MYO1D: variants seen among roughly 807,000 people sequenced by gnomAD.
The protein encoded by MYO1D is unconventional myosin-Id.
A neutral mutation model predicts 122.0 loss-of-function variants in MYO1D; 83 were observed. The observed-to-expected ratio is 0.68, with a 90% CI of 0.57 to 0.82. The LOEUF (loss-of-function observed/expected upper bound fraction) is 0.82. Ranked by LOEUF, MYO1D falls within the 40% of genes least tolerant of loss-of-function variation. The probability of loss-of-function intolerance (pLI) is 0.00; values close to 1 mark genes in which losing one functional copy is unlikely to be tolerated. For missense variants in MYO1D, 1,157 were observed against 1,269.5 expected (o/e 0.91, Z 1.35); for synonymous variants, 464 against 446.9 (o/e 1.04, Z -0.48).
At chr17:32,678,859 C>T (rs1235998812) in intron 16 of MYO1D, among the ~76,000 whole-genome samples, 1 of 150,898 alleles carries the variant, frequency 6.6e-6, no homozygotes, top group Admixed American at 6.6e-5. Flanking sequence ...GGTTGAACTA[C>T]TTTACAGTCC....
intron 1 of MYO1D, among the ~76,000 whole-genome samples, chr17:32,865,196 T>A (rs901075517): frequency 2.6e-5 from 4 of 152,234 alleles, no homozygotes; most frequent in Non-Finnish European, 5.9e-5. Context: ...ATTTGACTTT[T>A]AATTGACTAT....
intron 1 of MYO1D, among the ~76,000 whole-genome samples, chr17:32,823,990 C>T (rs1006094080): frequency 2.0e-5 from 3 of 146,366 alleles, no homozygotes; most frequent in Middle Eastern, 3.7e-3. Context: ...TGGTGTGAAC[C>T]CGGGAGGTGG....
chr17:32,742,725 C>T (rs2151005272), intron 13 of MYO1D, among the ~76,000 whole-genome samples: 1 of 152,282 alleles, frequency 6.6e-6, no homozygotes, highest in Middle Eastern at 3.4e-3. Context: ...TCCAAGGATC[C>T]TCTCTCACAT....
intron 16 of MYO1D, among the ~76,000 whole-genome samples, chr17:32,708,544 A>G (rs1430626211): frequency 6.6e-6 from 1 of 152,228 alleles, no homozygotes; most frequent in Non-Finnish European, 1.5e-5. Context: ...AATTTCTATA[A>G]GGATACAGAA....
Position 32,876,792 on chromosome 17 carries a change from G to A in MYO1D, c.81C>T (p.Ala27=), listed in dbSNP as rs1434080518. Residue 27 remains alanine (A), a synonymous_variant, in exon 1 of 22, where the codon GCC becomes GCT. Coordinates refer to ENST00000318217, the MANE Select transcript of MYO1D (RefSeq NM_015194.3). ...TCCGCCCTCACCTGAGCCTGAGGTT[G>A]GCCATGAACTCGGGCATGGAGACGG... ...MDTVSMPEFM[A]NLRLRFEKGR... 1 of 1,515,622 alleles carries A rather than the reference G, an allele frequency of 6.6e-7. No individual in the cohort carries two copies. The highest frequency in any genetic ancestry group is 2.9e-5 in the East Asian group (1 of 35,022). 93.9% of individuals were successfully genotyped at this position (1,515,622 alleles called of 1,614,324 possible). A position where few individuals can be genotyped will look rare whatever the true frequency, so the allele number is the denominator to read the frequency against.
At chr17:32,641,598 G>T (rs1385920924) in intron 19 of MYO1D, among the ~76,000 whole-genome samples, 2 of 152,158 alleles carry the variant, frequency 1.3e-5, no homozygotes, top group African/African-American at 4.8e-5. Flanking sequence ...AGCACCTGTT[G>T]TTTCCTGACT....
intron 21 of MYO1D, among the ~76,000 whole-genome samples, chr17:32,565,933 C>A (rs395110): frequency 0.44 from 66,415 of 151,862 alleles, 14,782 homozygotes; most frequent in East Asian, 0.56. Context: ...CCATGTTGGC[C>A]AGGCTGGTCT....
intron 21 of MYO1D, among the ~76,000 whole-genome samples, chr17:32,546,000 T>G (rs2086962244): frequency 6.6e-6 from 1 of 152,144 alleles, no homozygotes; most frequent in Non-Finnish European, 1.5e-5. Flanking sequence ...CAGGGAAAGC[T>G]TCTAGTGGAG....
At chr17:32,732,555 G>A (rs2089653421) in intron 14 of MYO1D, among the ~76,000 whole-genome samples, 1 of 152,184 alleles carries the variant, frequency 6.6e-6, no homozygotes, top group African/African-American at 2.4e-5. Flanking sequence ...TCTATGCTGA[G>A]AGATGAGTAG....
At chr17:32,840,555 T>G (rs1204446894) in intron 1 of MYO1D, among the ~76,000 whole-genome samples, 1 of 152,200 alleles carries the variant, frequency 6.6e-6, no homozygotes, top group Non-Finnish European at 1.5e-5. Context: ...ACTAAGGAAA[T>G]GTTTTTGCCT....
chr17:32,699,920 A>G (rs2089224272), intron 16 of MYO1D, among the ~76,000 whole-genome samples: 1 of 152,236 alleles, frequency 6.6e-6, no homozygotes, highest in Non-Finnish European at 1.5e-5. Flanking sequence ...GTAAACCTCA[A>G]TAAATTCCAG....
intron 20 of MYO1D, among the ~76,000 whole-genome samples, chr17:32,613,789 CAAAAAAAAAAA>C (rs60701225): frequency 2.0e-5 from 1 of 51,042 alleles, no homozygotes; most frequent in Non-Finnish European, 3.3e-5. Flanking sequence ...GATTCCATCT[CAAAAAAAAAAA>C]AAAAAAAAAA....
At chr17:32,676,805 A>C in intron 16 of MYO1D, among the ~76,000 whole-genome samples, 1 of 152,122 alleles carries the variant, frequency 6.6e-6, no homozygotes. Flanking sequence ...ATGTTTTATG[A>C]AAAATAGAAT....
intron 12 of MYO1D, among the ~76,000 whole-genome samples, chr17:32,746,192 C>T (rs2089836762): frequency 6.6e-6 from 1 of 152,158 alleles, no homozygotes; most frequent in South Asian, 2.1e-4. Flanking sequence ...TTTAAGGTTA[C>T]CATACCCAAA....
intron 17 of MYO1D, among the ~76,000 whole-genome samples, chr17:32,655,072 C>T (rs2088456666): frequency 1.3e-5 from 2 of 152,240 alleles, no homozygotes; most frequent in African/African-American, 4.8e-5. Flanking sequence ...CCAAAATACA[C>T]ACAGAAGTTG....
intron 14 of MYO1D, among the ~76,000 whole-genome samples, chr17:32,725,790 A>T (rs11080185): frequency 0.41 from 61,818 of 151,208 alleles, 12,881 homozygotes; most frequent in East Asian, 0.54. Flanking sequence ...AAGCATATTT[A>T]AAAAAAAATC....
intron 1 of MYO1D, among the ~76,000 whole-genome samples, chr17:32,875,046 T>C (rs1052429119): frequency 2.0e-5 from 3 of 152,244 alleles, no homozygotes; most frequent in African/African-American, 4.8e-5. Flanking sequence ...GCAAAAGCTC[T>C]GGCTAAGCCC....
At chr17:32,727,621 T>TAAAAGAAATACAGAAAAAAAG (rs1437470747) in intron 14 of MYO1D, 1 of 151,834 alleles carries the variant, frequency 6.6e-6, no homozygotes, top group Non-Finnish European at 1.5e-5. Context: ...ATAATCAATC[T>TAAAAGAAATACAGAAAAAAAG]AAAAGAAATA....
At chr17:32,511,289 T>C (rs955661995) in intron 21 of MYO1D, among the ~76,000 whole-genome samples, 4 of 152,048 alleles carry the variant, frequency 2.6e-5, no homozygotes, top group Admixed American at 2.6e-4. Context: ...TGTGGCATGA[T>C]CATAGTTCAC....
Sources: gnomAD v4.1 joint callset for allele counts (sites outside exome capture counted in the v4.1 genomes callset) on GRCh38, gnomAD v4.1.1 for gene constraint, MANE v1.5 for transcripts, NCBI Gene and HGNC (gene_info 2026-07-23, HGNC 2026-07-21) for gene names.